Variants in PTRH1 observed in about 807,000 individuals in gnomAD.
PTRH1 encodes the protein peptidyl-tRNA hydrolase.
Under a neutral mutation model 15.7 loss-of-function variants are expected in PTRH1, and 13 were observed. The observed-to-expected ratio is 0.83, with a 90% confidence interval of 0.54 to 1.31. The LOEUF (loss-of-function observed/expected upper bound fraction) is 1.31. PTRH1 is among the 40% of genes most tolerant of loss of function. The probability of loss-of-function intolerance (pLI) is 0.00; values close to 1 mark genes in which losing one functional copy is unlikely to be tolerated. For missense variants in PTRH1, 319 were observed against 296.2 expected, an observed-to-expected ratio of 1.08 and a Z score of -0.56; for synonymous variants, 139 against 136.7, an observed-to-expected ratio of 1.02 and a Z score of -0.12.
At chr9:127,707,773 C>T (rs544125023) in intron 1 of PTRH1, among the ~76,000 whole-genome samples, 4 of 152,332 alleles carry the variant, frequency 2.6e-5, no homozygotes, top group South Asian at 2.1e-4. Context: ...TTCACCTGCC[C>T]GTCATTTTCT....
downstream of PTRH1, chr9:127,711,749 G>A: frequency 6.6e-7 from 1 of 1,506,978 alleles, no homozygotes; most frequent in Non-Finnish European, 8.9e-7. Context: ...GGGGAACACG[G>A]GAGGCCTGGC....
downstream of PTRH1, chr9:127,712,158 G>A (rs1280463376): frequency 1.2e-6 from 2 of 1,610,060 alleles, no homozygotes; most frequent in Middle Eastern, 1.7e-4. Flanking sequence ...CCAGTCCTGG[G>A]GAAGGGGGAA....
In PTRH1 at chr9:127,715,656, C is replaced by T; in HGVS notation, c.-17G>A. ...CGGCCTCATGCTGCCCCCATTCACT[C>T]CGACACCGCCCCCTGACGTCATCAC... On this transcript the variant is annotated 5_prime_UTR_variant, in exon 1 of 5. Coordinates refer to ENST00000543175, the MANE Select transcript of PTRH1 (RefSeq NM_001002913.3). This position sits in a 1 kb window ranked among gnomAD's most constrained non-coding sequence, Gnocchi z 5.8. 1 of 1,607,848 alleles carries T rather than the reference C, an allele frequency of 6.2e-7. No homozygotes were observed. Among genetic ancestry groups the T allele is most frequent in the Non-Finnish European group, 8.5e-7 (1 of 1,178,760 alleles).
chr9:127,713,275 C>CA, downstream of PTRH1: 3 of 1,179,956 alleles, frequency 2.5e-6, no homozygotes, highest in Non-Finnish European at 2.4e-6. Flanking sequence ...GAGGCTCTGC[C>CA]AGGCCACAGC....
chr9:127,714,982 G>A lies in PTRH1; in HGVS notation c.309C>T (p.Ala103=), dbSNP rs1414554772. Reference sequence around the variant, plus strand: ...CTGGCGCTCTCAACTCACCAGCCCGGGCCACGCTGCGCCCGTTGGCGTTCA... The same window carrying A: ...CTGGCGCTCTCAACTCACCAGCCCGAGCCACGCTGCGCCCGTTGGCGTTCA... ...RLMNANGRSV[A]RAAELFGLTA... Residue 103 remains alanine (A), a synonymous_variant, in exon 2 of 5, where the codon GCC becomes GCT. Coordinates refer to ENST00000543175, the MANE Select transcript of PTRH1 (RefSeq NM_001002913.3). The A allele has an allele frequency of 1.9e-5, 16 of 821,920 alleles. No individual in the cohort carries two copies. The highest frequency in any genetic ancestry group is 2.4e-5 in the Non-Finnish European group (15 of 628,292). The allele number at this position is 821,920 out of a possible 1,614,324, so 50.9% of individuals were successfully genotyped here.
chr9:127,712,541 T>C (rs1842790262), downstream of PTRH1: 4 of 1,513,492 alleles, frequency 2.6e-6, no homozygotes, highest in Non-Finnish European at 3.6e-6. Flanking sequence ...GGATTCCTTC[T>C]CTGAGGCTCT....
intron 1 of PTRH1, chr9:127,695,907 G>T (rs1842556399): frequency 6.6e-6 from 1 of 152,152 alleles, no homozygotes; most frequent in African/African-American, 2.4e-5. Context: ...CCAAAGTCAG[G>T]ATAGTGACTG....
At chr9:127,708,998 C>T (rs1197129801), downstream of PTRH1, among the ~76,000 whole-genome samples, 5 of 152,224 alleles carry the variant, frequency 3.3e-5, no homozygotes, top group Non-Finnish European at 5.9e-5. Flanking sequence ...CCTGGCTGTG[C>T]CACTTACAAA....
At chr9:127,695,477 A>G in intron 1 of PTRH1, 1 of 245,874 alleles carries the variant, frequency 4.1e-6, no homozygotes, top group Non-Finnish European at 7.7e-6. Context: ...CAAACTGACA[A>G]ACTGCATCTG....
rs544164489 is a variant in PTRH1, at chr9:127,708,664, G to A, written c.205+6771C>T. On this transcript the variant is annotated intron_variant, in intron 1 of 2. Coordinates refer to the PTRH1 transcript ENST00000335223. ...GGCAAATGTATTTAACAGAGTTATT[G>A]GGTGCTTACTATTTGCCAAGCCCTG... 2.6e-5 allele frequency among the ~76,000 whole-genome samples: 4 copies of A among 152,302 alleles called. No individual in the cohort carries two copies. The East Asian group carries it at 7.7e-4, about 29-fold the overall frequency.
In PTRH1 at chr9:127,705,642, C is replaced by T. The variant is rs1227525571; in HGVS notation, c.205+9793G>A. On this transcript the variant is annotated intron_variant, in intron 1 of 2. Coordinates refer to the PTRH1 transcript ENST00000335223. The surrounding 1 kb of genome is among the most constrained non-coding windows in gnomAD (Gnocchi z 4.7). ...AATGGGGGAGGCACGGGGAGGCCCC[C>T]GGTCAACTGGGAGCACTGTGGGAAT... Among the ~76,000 whole-genome samples the T allele has an allele frequency of 1.3e-5, 2 of 152,236 alleles. No homozygotes were observed. Among genetic ancestry groups the T allele is most frequent in the Non-Finnish European group, 1.5e-5 (1 of 68,040 alleles).
At chr9:127,711,430 C>A, downstream of PTRH1, 1 of 1,614,124 alleles carries the variant, frequency 6.2e-7, no homozygotes, top group East Asian at 2.2e-5. Flanking sequence ...ACAATCTGTG[C>A]AAACAGCTGG....
At chr9:127,712,974 AC>A, downstream of PTRH1, 4 of 1,602,322 alleles carry the variant, frequency 2.5e-6, no homozygotes, top group Non-Finnish European at 3.4e-6. Context: ...TGGGCCAGAA[AC>A]CTGGCTCGCC....
chr9:127,714,107 C>G lies in PTRH1; in HGVS notation c.638G>C (p.Gly213Ala), dbSNP rs764224561. ...IRERSQGPSL[G>A]P ...CAGCCATGGCCACTAGTGTCACGGC[C>G]CCAGTGAGGGCCCCTGGCTTCGCTC... is the stretch of plus-strand genomic sequence containing the variant. Residue 213 changes from glycine to alanine, a missense_variant, in exon 5 of 5, where the codon GGG becomes GCG. By Grantham distance (60) the Gly-to-Ala change is moderately conservative. Coordinates refer to ENST00000543175, the MANE Select transcript of PTRH1 (RefSeq NM_001002913.3). The G allele has an allele frequency of 3.3e-5, 54 of 1,612,712 alleles. No homozygotes were observed. In the South Asian group the frequency reaches 5.3e-4, roughly 16 times the overall value.
intron 1 of PTRH1, among the ~76,000 whole-genome samples, chr9:127,704,047 T>C (rs1384758297): frequency 6.6e-6 from 1 of 152,152 alleles, no homozygotes; most frequent in African/African-American, 2.4e-5. Context: ...GCCCCTGTCT[T>C]TTTGACCACA....
At chr9:127,702,761 G>A (rs909715784) in intron 1 of PTRH1, among the ~76,000 whole-genome samples, 1 of 151,806 alleles carries the variant, frequency 6.6e-6, no homozygotes, top group Non-Finnish European at 1.5e-5. Context: ...GTCCAGGCTG[G>A]AGTGCAATGG....
chr9:127,714,977 G>A lies in PTRH1; in HGVS notation c.314C>T (p.Ala105Val). The A allele has an allele frequency of 2.6e-6, 2 of 767,024 alleles. No individual in the cohort carries two copies. The highest frequency in any genetic ancestry group is 3.3e-6 in the Non-Finnish European group (2 of 604,962). The allele number at this position is 767,024 out of a possible 1,614,324, so 47.5% of individuals were successfully genotyped here. A position where few individuals can be genotyped will look rare whatever the true frequency, so the allele number is the denominator to read the frequency against. Reference protein sequence around the residue: ...MNANGRSVARAAELFGLTAEE... With the variant: ...MNANGRSVARVAELFGLTAEE... ...CACCCCTGGCGCTCTCAACTCACCA[G>A]CCCGGGCCACGCTGCGCCCGTTGGC... Residue 105 changes from alanine to valine, a missense_variant and splice_region_variant, in exon 2 of 5, where the codon GCT (alanine) becomes GTT (valine). Ala to Val is a moderately conservative substitution (Grantham distance 64, BLOSUM62 0). Coordinates refer to ENST00000543175, the MANE Select transcript of PTRH1 (RefSeq NM_001002913.3).
intron 1 of PTRH1, among the ~76,000 whole-genome samples, chr9:127,708,687 C>T (rs1270273727): frequency 6.6e-6 from 1 of 152,122 alleles, no homozygotes; most frequent in Non-Finnish European, 1.5e-5. Flanking sequence ...TTGCCAAGCC[C>T]TGGGAATACA....
In PTRH1 at chr9:127,696,608, C is replaced by T. The variant is rs556097635; in HGVS notation, c.206-1467G>A. Among the ~76,000 whole-genome samples the T allele has an allele frequency of 7.6e-4, 116 of 152,198 alleles. No individual in the cohort carries two copies. The South Asian group carries it at 0.012, about 16-fold the overall frequency. On this transcript the variant is annotated intron_variant, in intron 1 of 2. Coordinates refer to the PTRH1 transcript ENST00000335223. ...GTGCGGAGGCTCACATCTGTTAATCCCAGCACTTTGGGAGGCCAAGGAGGG... is the reference window on the plus strand; with the variant it reads ...GTGCGGAGGCTCACATCTGTTAATCTCAGCACTTTGGGAGGCCAAGGAGGG...
Sources: gnomAD v4.1 joint callset for allele counts (sites outside exome capture counted in the v4.1 genomes callset) on GRCh38, gnomAD v4.1.1 for gene constraint, Gnocchi (gnomAD v3.1) non-coding constraint, MANE v1.5 for transcripts, NCBI Gene and HGNC (gene_info 2026-07-23, HGNC 2026-07-21) for gene names.